The following DTNB variants were observed in gnomAD, a reference collection of about 807,000 sequenced individuals.
DTNB encodes the protein dystrobrevin beta, also known as DTN-B.
A neutral mutation model predicts 90.7 loss-of-function variants in DTNB; 63 were observed. The observed-to-expected ratio is 0.69, with a 90% CI of 0.57 to 0.86. The LOEUF is 0.86. DTNB is among the 40% of genes least tolerant of loss of function. The probability of loss-of-function intolerance (pLI) is 0.00; values close to 1 mark genes in which losing one functional copy is unlikely to be tolerated. For missense variants in DTNB, 744 were observed against 807.1 expected, an observed-to-expected ratio of 0.92 and a Z score of 0.95; for synonymous variants, 277 against 286.7, an observed-to-expected ratio of 0.97 and a Z score of 0.34.
intron 8 of DTNB, among the ~76,000 whole-genome samples, chr2:25,567,382 T>C (rs2151255411): frequency 6.6e-6 from 1 of 152,334 alleles, no homozygotes; most frequent in Non-Finnish European, 1.5e-5. Context: ...TTGATCCAGG[T>C]CTGTCACGAG....
chr2:25,577,090 G>T, intron 7 of DTNB, 86 bp from the exon 8 acceptor site: 2 of 1,385,256 alleles, frequency 1.4e-6, no homozygotes, highest in Non-Finnish European at 1.9e-6. Context: ...TTCACTTGGA[G>T]AATGAAGTCA....
At chr2:25,426,585 G>C (rs1440482532) in intron 15 of DTNB, 2 of 152,212 alleles carry the variant, frequency 1.3e-5, no homozygotes, top group Non-Finnish European at 2.9e-5. Flanking sequence ...CCACCTCCCA[G>C]ATTCGGAATC....
chr2:25,586,439 G>A (rs955256607), intron 6 of DTNB, among the ~76,000 whole-genome samples: 4 of 151,508 alleles, frequency 2.6e-5, no homozygotes, highest in African/African-American at 9.7e-5. Context: ...GAACTCAGGA[G>A]GTGGAGGTTG....
At chr2:25,377,928 C>G (rs2036321412) in intron 20 of DTNB, among the ~76,000 whole-genome samples, 1 of 152,162 alleles carries the variant, frequency 6.6e-6, no homozygotes, top group African/African-American at 2.4e-5. Flanking sequence ...CCGCGGCACC[C>G]AAGTTTTATA....
chr2:25,593,695 T>G (rs935462210), intron 6 of DTNB, among the ~76,000 whole-genome samples: 1 of 152,206 alleles, frequency 6.6e-6, no homozygotes, highest in East Asian at 1.9e-4. Flanking sequence ...GAATCCTAGA[T>G]AGCATTCTTA....
At chr2:25,486,619 C>G (rs1459349754) in intron 9 of DTNB, among the ~76,000 whole-genome samples, 1 of 134,996 alleles carries the variant, frequency 7.4e-6, no homozygotes, top group African/African-American at 2.8e-5. Flanking sequence ...GGCGACAGAG[C>G]AAGACCCTGT....
chr2:25,417,277 T>C (rs1254273037), intron 16 of DTNB, among the ~76,000 whole-genome samples: 1 of 152,204 alleles, frequency 6.6e-6, no homozygotes, highest in African/African-American at 2.4e-5. Flanking sequence ...TTCAGCAGTC[T>C]AGGTTCTCAT....
At chr2:25,570,996 C>T (rs1327094920) in intron 8 of DTNB, among the ~76,000 whole-genome samples, 4 of 152,128 alleles carry the variant, frequency 2.6e-5, no homozygotes, top group African/African-American at 9.7e-5. Flanking sequence ...TCAACATGTC[C>T]GGAACAAACG....
At chr2:25,382,653 C>T (rs376254839) in intron 19 of DTNB, among the ~76,000 whole-genome samples, 173 of 151,184 alleles carry the variant, frequency 1.1e-3, no homozygotes, top group South Asian at 5.5e-3. Flanking sequence ...TTCAGCCTCC[C>T]GAGTAGCTGC....
At chr2:25,669,631 C>T (rs985663367) in intron 1 of DTNB, among the ~76,000 whole-genome samples, 1 of 152,172 alleles carries the variant, frequency 6.6e-6, no homozygotes, top group African/African-American at 2.4e-5. Context: ...ACTGAAGAAT[C>T]AGCATCTAAA....
chr2:25,637,639 C>G (rs1264350983), intron 3 of DTNB, among the ~76,000 whole-genome samples: 1 of 152,156 alleles, frequency 6.6e-6, no homozygotes, highest in Non-Finnish European at 1.5e-5. Context: ...GAGAGAAATG[C>G]AAATCAAAAC....
chr2:25,434,553 C>T (rs996111029), intron 12 of DTNB, among the ~76,000 whole-genome samples: 11 of 151,962 alleles, frequency 7.2e-5, no homozygotes, highest in Admixed American at 3.9e-4. Flanking sequence ...CACATGCCAC[C>T]GTGCCTGGCC....
At chr2:25,536,902 C>A (rs187827314) in intron 8 of DTNB, among the ~76,000 whole-genome samples, 70 of 152,268 alleles carry the variant, frequency 4.6e-4, no homozygotes, top group African/African-American at 1.5e-3. Context: ...GCCACCATGC[C>A]TGGCTAATTT....
intron 12 of DTNB, among the ~76,000 whole-genome samples, chr2:25,449,968 T>C (rs2059030070): frequency 6.6e-6 from 1 of 152,094 alleles, no homozygotes; most frequent in Non-Finnish European, 1.5e-5. Flanking sequence ...TTCACCGTGT[T>C]AGCCAGGATA....
At chr2:25,663,159 G>A (rs765275199) in intron 1 of DTNB, among the ~76,000 whole-genome samples, 13 of 151,824 alleles carry the variant, frequency 8.6e-5, no homozygotes, top group Non-Finnish European at 1.8e-4. Flanking sequence ...GAGAACATGC[G>A]GTATTCTGTT....
At chr2:25,463,649 A>C (rs2061351613) in intron 10 of DTNB, among the ~76,000 whole-genome samples, 1 of 152,246 alleles carries the variant, frequency 6.6e-6, no homozygotes, top group Non-Finnish European at 1.5e-5. Context: ...CAAGGGTCCT[A>C]ACTAATAATT....
chr2:25,634,438 G>T (rs1168423143), intron 3 of DTNB, among the ~76,000 whole-genome samples: 4 of 148,050 alleles, frequency 2.7e-5, no homozygotes, highest in Non-Finnish European at 4.5e-5. Flanking sequence ...GAGGTGGGGG[G>T]GTCAGCCCCC....
intron 6 of DTNB, among the ~76,000 whole-genome samples, chr2:25,589,542 G>T (rs2063155146): frequency 6.6e-6 from 1 of 151,506 alleles, no homozygotes; most frequent in Non-Finnish European, 1.5e-5. Context: ...CACCACGCCT[G>T]GCTAATTTTT....
At chr2:25,658,194 T>A (rs1381208231) in intron 1 of DTNB, among the ~76,000 whole-genome samples, 1 of 150,834 alleles carries the variant, frequency 6.6e-6, no homozygotes, top group Non-Finnish European at 1.5e-5. Flanking sequence ...GAGGCGGAGG[T>A]TGCAGTGTGC....
Sources: allele counts gnomAD v4.1 joint callset (sites outside exome capture counted in the v4.1 genomes callset), GRCh38; gene constraint gnomAD v4.1.1; transcripts MANE v1.5; gene names NCBI Gene and HGNC (gene_info 2026-07-23, HGNC 2026-07-21).